The following TMEM132B variants were observed in gnomAD, a reference collection of about 807,000 sequenced individuals.
TMEM132B encodes the protein transmembrane protein 132B.
TMEM132B carries 18 observed loss-of-function variants against 90.8 expected under a neutral mutation model. The ratio of observed to expected loss-of-function variants is 0.20; its 90% confidence interval spans 0.14 to 0.29. The LOEUF (loss-of-function observed/expected upper bound fraction) is 0.29, where lower values mean the gene tolerates loss of function less well. Among genes scored for constraint, TMEM132B ranks in the 10% least tolerant of loss-of-function variants. The pLI is 1.00. For missense variants in TMEM132B, 1,096 were observed against 1,326.8 expected, an observed-to-expected ratio of 0.83 and a Z score of 2.70; for synonymous variants, 504 against 523.3, an observed-to-expected ratio of 0.96 and a Z score of 0.50.
At chr12:125,579,169 A>T (rs866024970) in intron 4 of TMEM132B, among the ~76,000 whole-genome samples, 5 of 151,836 alleles carry the variant, frequency 3.3e-5, no homozygotes, top group Admixed American at 1.3e-4. Context: ...CTCTCATTTT[A>T]ATTTTAATTA....
intron 4 of TMEM132B, among the ~76,000 whole-genome samples, chr12:125,539,198 G>A (rs999032345): frequency 2.0e-5 from 3 of 152,174 alleles, no homozygotes; most frequent in Non-Finnish European, 2.9e-5. Context: ...TTAAGTGGCC[G>A]AAAGAGGTCT....
chr12:125,245,464 C>A (rs955127719), intron 1 of TMEM132B, among the ~76,000 whole-genome samples: 45 of 147,792 alleles, frequency 3.0e-4, no homozygotes, highest in African/African-American at 1.1e-3. Flanking sequence ...CCTGGAAGGT[C>A]ACAGCCAGGG....
chr12:125,507,351 T>A (rs1246594929), intron 3 of TMEM132B, among the ~76,000 whole-genome samples: 1 of 152,184 alleles, frequency 6.6e-6, no homozygotes, highest in Non-Finnish European at 1.5e-5. Context: ...CTCACTGGGC[T>A]TACAATCTAG....
intron 1 of TMEM132B, among the ~76,000 whole-genome samples, chr12:125,285,554 G>A (rs1875326375): frequency 6.6e-6 from 1 of 152,214 alleles, no homozygotes; most frequent in East Asian, 1.9e-4. Flanking sequence ...ATTCAAGCAT[G>A]ATGTGGAGAT....
chr12:125,472,261 A>G, intron 3 of TMEM132B, among the ~76,000 whole-genome samples: 1 of 152,192 alleles, frequency 6.6e-6, no homozygotes, highest in East Asian at 1.9e-4. Context: ...GCGATCACCC[A>G]GCATCTGAGG....
At chr12:125,648,497 A>G (rs142609625) in intron 6 of TMEM132B, among the ~76,000 whole-genome samples, 37 of 148,910 alleles carry the variant, frequency 2.5e-4, no homozygotes, top group African/African-American at 7.4e-4. Flanking sequence ...TGCTAACTTC[A>G]GGGAATTGCA....
At chr12:125,380,721 G>A (rs1368979957) in intron 2 of TMEM132B, among the ~76,000 whole-genome samples, 1 of 152,202 alleles carries the variant, frequency 6.6e-6, no homozygotes, top group East Asian at 1.9e-4. Context: ...GGGAGGCACT[G>A]GTAGAAGATT....
chr12:125,645,880 G>T (rs140567598), intron 6 of TMEM132B, among the ~76,000 whole-genome samples: 21 of 152,342 alleles, frequency 1.4e-4, no homozygotes, highest in African/African-American at 5.0e-4. Flanking sequence ...TACCTCAAAT[G>T]TGAGCGTGCC....
At chr12:125,287,889 A>T (rs976746920) in intron 1 of TMEM132B, among the ~76,000 whole-genome samples, 7 of 151,768 alleles carry the variant, frequency 4.6e-5, no homozygotes, top group African/African-American at 1.7e-4. Flanking sequence ...TTTTTTTGAG[A>T]CAGTGTCTCA....
At chr12:125,574,757 A>C (rs118169178) in intron 4 of TMEM132B, among the ~76,000 whole-genome samples, 1 of 152,052 alleles carries the variant, frequency 6.6e-6, no homozygotes, top group East Asian at 1.9e-4. Context: ...TGGAGTTTAT[A>C]TTCTGCCAAA....
At chr12:125,295,970 CT>C (rs1875663241) in intron 1 of TMEM132B, among the ~76,000 whole-genome samples, 2 of 152,288 alleles carry the variant, frequency 1.3e-5, no homozygotes, top group Admixed American at 6.5e-5. Flanking sequence ...TATGAGTATG[CT>C]TTTTCTCCTC....
At chr12:125,634,415 T>A (rs2137003579) in intron 5 of TMEM132B, among the ~76,000 whole-genome samples, 1 of 152,354 alleles carries the variant, frequency 6.6e-6, no homozygotes, top group African/African-American at 2.4e-5. Flanking sequence ...CTTGGTGCTC[T>A]ATCCATGTGT....
At chr12:125,233,542 T>G (rs1403175510) in intron 1 of TMEM132B, among the ~76,000 whole-genome samples, 1 of 152,216 alleles carries the variant, frequency 6.6e-6, no homozygotes. Context: ...CAATGACTCA[T>G]AGTCAATGGC....
chr12:125,299,781 C>T (rs1028590532), intron 1 of TMEM132B, among the ~76,000 whole-genome samples: 1 of 152,234 alleles, frequency 6.6e-6, no homozygotes, highest in Non-Finnish European at 1.5e-5. Flanking sequence ...AATCTGTACT[C>T]TTCTCACCCT....
At chr12:125,605,671 T>C (rs1885677375) in intron 5 of TMEM132B, among the ~76,000 whole-genome samples, 1 of 152,254 alleles carries the variant, frequency 6.6e-6, no homozygotes, top group South Asian at 2.1e-4. Flanking sequence ...ACTACTTAAT[T>C]GTTATTGAGC....
chr12:125,633,761 T>C (rs956934655), intron 5 of TMEM132B, among the ~76,000 whole-genome samples: 2 of 152,232 alleles, frequency 1.3e-5, no homozygotes, highest in African/African-American at 4.8e-5. Flanking sequence ...TCCCTTACTT[T>C]CTTCCAAACA....
At chr12:125,639,765 C>G (rs1025731904) in intron 5 of TMEM132B, among the ~76,000 whole-genome samples, 2 of 152,160 alleles carry the variant, frequency 1.3e-5, no homozygotes, top group African/African-American at 4.8e-5. Flanking sequence ...AAAATAGTGA[C>G]CAGAGGCGGG....
At chr12:125,604,586 A>T (rs913221227) in intron 5 of TMEM132B, among the ~76,000 whole-genome samples, 1 of 152,224 alleles carries the variant, frequency 6.6e-6, no homozygotes, top group Non-Finnish European at 1.5e-5. Flanking sequence ...CACGTTCTGC[A>T]CTTGTATCCC....
intron 1 of TMEM132B, among the ~76,000 whole-genome samples, chr12:125,341,444 A>G (rs1003559245): frequency 6.6e-6 from 1 of 152,246 alleles, no homozygotes; most frequent in Non-Finnish European, 1.5e-5. Flanking sequence ...GTATATATAA[A>G]TGATGATGAT....
Sources: gnomAD v4.1 joint callset for allele counts (sites outside exome capture counted in the v4.1 genomes callset) on GRCh38, gnomAD v4.1.1 for gene constraint, MANE v1.5 for transcripts, NCBI Gene and HGNC (gene_info 2026-07-23, HGNC 2026-07-21) for gene names.